The following PM20D2 variants were observed in gnomAD, a reference collection of about 807,000 sequenced individuals.
The protein encoded by PM20D2 is xaa-Arg dipeptidase.
PM20D2 carries 33 observed loss-of-function variants against 42.9 expected under a neutral mutation model. That is an observed-to-expected ratio of 0.77 (90% CI 0.58 to 1.03). PM20D2 has a LOEUF of 1.03. Ranked by LOEUF, PM20D2 falls within the 50% of genes least tolerant of loss-of-function variation. The pLI, the probability that PM20D2 is intolerant of heterozygous loss-of-function variation, is 0.00. For missense variants in PM20D2, 548 were observed against 557.0 expected (o/e 0.98, Z 0.16); for synonymous variants, 250 against 228.2 (o/e 1.10, Z -0.86).
chr6:89,098,279 G>C, the PM20D2 span: 6 of 253,958 alleles, frequency 2.4e-5, no homozygotes, highest in East Asian at 5.8e-4. Context: ...TATGCAAGTA[G>C]AATTTTAAAA....
At chr6:89,110,103 T>A in the PM20D2 span, among the ~76,000 whole-genome samples, 3 of 151,842 alleles carry the variant, frequency 2.0e-5, no homozygotes, top group Non-Finnish European at 2.9e-5. Flanking sequence ...AAAAAAAAAA[T>A]TATTTTCTCC....
chr6:89,133,406 C>A, the PM20D2 span, among the ~76,000 whole-genome samples: 6 of 150,714 alleles, frequency 4.0e-5, no homozygotes, highest in Admixed American at 1.3e-4. Context: ...ATATGTTTAT[C>A]AATAGTATAC....
the PM20D2 span, among the ~76,000 whole-genome samples, chr6:89,137,499 T>C: frequency 1.3e-5 from 2 of 152,238 alleles, no homozygotes; most frequent in Non-Finnish European, 2.9e-5. Flanking sequence ...TCATGCAACA[T>C]AGAAGTTCAG....
the PM20D2 span, chr6:89,098,193 CAT>C: frequency 1.2e-5 from 2 of 160,444 alleles, no homozygotes; most frequent in Admixed American, 6.2e-5. Flanking sequence ...ATTATACAGT[CAT>C]AGTTACTTTT....
the PM20D2 span, among the ~76,000 whole-genome samples, chr6:89,134,382 C>A: frequency 6.6e-6 from 1 of 151,172 alleles, no homozygotes; most frequent in African/African-American, 2.5e-5. Flanking sequence ...CCAGGCCTTC[C>A]AAGAGGGTTT....
the PM20D2 span, among the ~76,000 whole-genome samples, chr6:89,119,832 T>C: frequency 1.1e-4 from 16 of 152,226 alleles, no homozygotes; most frequent in Non-Finnish European, 2.2e-4. Context: ...TCTCTTTTTA[T>C]TTTAGATGGA....
chr6:89,100,880 G>C, the PM20D2 span, among the ~76,000 whole-genome samples: 1 of 152,104 alleles, frequency 6.6e-6, no homozygotes, highest in Non-Finnish European at 1.5e-5. Context: ...CAAGGCGAGT[G>C]GATCACCTGA....
At position 89,162,584 on chromosome 6, in the gene PM20D2, A is replaced by G. The variant is rs928808834; in HGVS notation, c.*321A>G. On this transcript the variant is annotated 3_prime_UTR_variant, in exon 7 of 7. Coordinates refer to ENST00000275072, the MANE Select transcript of PM20D2 (RefSeq NM_001010853.3). ...GGAGGATACATGGCATCATTTTTAT[A>G]AAATATGTTAGTAAACCTTTTTGTA... 1.1e-5 allele frequency: 2 copies of G among 189,802 alleles called. No individual in the cohort carries two copies. The highest frequency in any genetic ancestry group is 2.2e-5 in the Non-Finnish European group (2 of 92,354). The allele number at this position is 189,802 out of a possible 1,614,324, so 11.8% of individuals were successfully genotyped here. A position where few individuals can be genotyped will look rare whatever the true frequency, so the allele number is the denominator to read the frequency against.
At chr6:89,151,582 C>G (rs1418360847) in intron 2 of PM20D2, among the ~76,000 whole-genome samples, 2 of 152,284 alleles carry the variant, frequency 1.3e-5, no homozygotes, top group East Asian at 3.9e-4. Context: ...TTCCCAAATC[C>G]AGTCCTTTTT....
chr6:89,125,883 C>G, the PM20D2 span, among the ~76,000 whole-genome samples: 1 of 151,636 alleles, frequency 6.6e-6, no homozygotes, highest in African/African-American at 2.4e-5. Context: ...GTCAGGAGTC[C>G]GAGACCAGCC....
chr6:89,105,087 G>C, the PM20D2 span: 4 of 1,549,690 alleles, frequency 2.6e-6, no homozygotes, highest in East Asian at 6.8e-5. Flanking sequence ...AGAAAAAGTA[G>C]AAAATGAAAT....
intron 4 of PM20D2, among the ~76,000 whole-genome samples, chr6:89,157,013 G>T (rs1771071602): frequency 6.6e-6 from 1 of 151,854 alleles, no homozygotes; most frequent in Admixed American, 6.6e-5. Context: ...TTATCATTAG[G>T]CAATATCTCA....
the PM20D2 span, among the ~76,000 whole-genome samples, chr6:89,116,849 A>G: frequency 6.6e-6 from 1 of 152,086 alleles, no homozygotes; most frequent in African/African-American, 2.4e-5. Flanking sequence ...TATAATACTC[A>G]TCTCAGATGA....
chr6:89,094,834 T>C, the PM20D2 span, among the ~76,000 whole-genome samples: 1 of 151,934 alleles, frequency 6.6e-6, no homozygotes, highest in Admixed American at 6.6e-5. Flanking sequence ...AATATATCAT[T>C]TTACAGGTAA....
chr6:89,161,724 T>C (rs772577148), intron 5 of PM20D2, 59 bp from the exon 6 acceptor site: 1 of 1,332,614 alleles, frequency 7.5e-7, no homozygotes, highest in Non-Finnish European at 1.1e-6. Flanking sequence ...ACTTCATAAC[T>C]CCAGAATACT....
the PM20D2 span, among the ~76,000 whole-genome samples, chr6:89,102,873 C>A: frequency 6.6e-6 from 1 of 152,118 alleles, no homozygotes; most frequent in Non-Finnish European, 1.5e-5. Context: ...CACCTCAGTC[C>A]ACCCTCTCCC....
intron 2 of PM20D2, among the ~76,000 whole-genome samples, chr6:89,151,356 T>C (rs1328098075): frequency 6.6e-6 from 1 of 151,558 alleles, no homozygotes; most frequent in Non-Finnish European, 1.5e-5. Flanking sequence ...CAGCCTCCCA[T>C]GGACCTGGAA....
At chr6:89,113,276 C>A in the PM20D2 span, among the ~76,000 whole-genome samples, 3 of 152,092 alleles carry the variant, frequency 2.0e-5, no homozygotes, top group African/African-American at 7.2e-5. Context: ...CAGGTTCATG[C>A]GATTCTTCTG....
In PM20D2 at chr6:89,160,233, T is replaced by G. The variant is rs560383186; in HGVS notation, c.1049-1550T>G. ...AGTGAATATTTTCTGAAGCAGTACTTCTATAGAGGCTACTATGCCTCAAAG... is the reference window on the plus strand; with the variant it reads ...AGTGAATATTTTCTGAAGCAGTACTGCTATAGAGGCTACTATGCCTCAAAG... On this transcript the variant is annotated intron_variant, in intron 5 of 6. Coordinates refer to ENST00000275072, the MANE Select transcript of PM20D2 (RefSeq NM_001010853.3). Among the ~76,000 whole-genome samples the G allele has an allele frequency of 3.3e-5, 5 of 152,292 alleles. No individual in the cohort carries two copies. The South Asian group carries it at 1.0e-3, about 32-fold the overall frequency.
Sources: allele counts gnomAD v4.1 joint callset (sites outside exome capture counted in the v4.1 genomes callset), GRCh38; gene constraint gnomAD v4.1.1; transcripts MANE v1.5; gene names NCBI Gene and HGNC (gene_info 2026-07-23, HGNC 2026-07-21).